DPRX: variants seen among roughly 807,000 people sequenced by gnomAD.
DPRX encodes the protein divergent-paired related homeobox.
DPRX carries 11 observed loss-of-function variants against 8.4 expected under a neutral mutation model. The ratio of observed to expected loss-of-function variants is 1.31; its 90% CI spans 0.82 to 2.17. The LOEUF is 2.17. Ranked by LOEUF, DPRX falls within the 30% of genes most tolerant of loss-of-function variation. The probability of loss-of-function intolerance (pLI) is 0.00; values close to 1 mark genes in which losing one functional copy is unlikely to be tolerated. For synonymous variants in DPRX, 72 were observed against 87.0 expected (o/e 0.83, Z 0.96); for missense variants, 211 against 236.7 (o/e 0.89, Z 0.71).
the DPRX span, among the ~76,000 whole-genome samples, chr19:53,621,292 C>T: frequency 6.6e-6 from 1 of 151,914 alleles, no homozygotes; most frequent in Non-Finnish European, 1.5e-5. Context: ...GCCACAGTGC[C>T]CGGCTAATTT....
At chr19:53,620,656 C>A in the DPRX span, among the ~76,000 whole-genome samples, 1 of 151,176 alleles carries the variant, frequency 6.6e-6, no homozygotes, top group Non-Finnish European at 1.5e-5. Context: ...TGAGCCACCC[C>A]GCCCGGGGCA....
chr19:53,635,492 T>C (rs1435176433), intron 2 of DPRX, among the ~76,000 whole-genome samples: 1 of 151,960 alleles, frequency 6.6e-6, no homozygotes, highest in African/African-American at 2.4e-5. Flanking sequence ...AGGTGTGTGG[T>C]ACTACAGCCT....
chr19:53,601,572 C>T, the DPRX span, among the ~76,000 whole-genome samples: 18 of 151,294 alleles, frequency 1.2e-4, no homozygotes, highest in African/African-American at 4.4e-4. Flanking sequence ...ACATCCGCCT[C>T]CTGGGTTCAA....
chr19:53,627,773 G>A (rs903106081), upstream of DPRX, among the ~76,000 whole-genome samples: 1 of 151,026 alleles, frequency 6.6e-6, no homozygotes, highest in African/African-American at 2.4e-5. Flanking sequence ...GTTTTTGTCT[G>A]GGTGTGGTGG....
upstream of DPRX, among the ~76,000 whole-genome samples, chr19:53,629,179 T>C (rs1476091070): frequency 5.0e-4 from 76 of 151,582 alleles, no homozygotes; most frequent in African/African-American, 1.7e-3. Flanking sequence ...CCAGGCGTGT[T>C]AGTGCACACC....
chr19:53,601,710 C>G, the DPRX span, among the ~76,000 whole-genome samples: 13 of 151,936 alleles, frequency 8.6e-5, no homozygotes, highest in East Asian at 2.5e-3. Flanking sequence ...CCGAACTCCT[C>G]GCCTCAAGTG....
chr19:53,623,007 TTAAAAAG>T, the DPRX span, among the ~76,000 whole-genome samples: 1 of 152,080 alleles, frequency 6.6e-6, no homozygotes, highest in Non-Finnish European at 1.5e-5. Context: ...GTTGAGCCCT[TTAAAAAG>T]CCATTCCTGG....
chr19:53,612,077 C>T, the DPRX span, among the ~76,000 whole-genome samples: 4 of 151,388 alleles, frequency 2.6e-5, no homozygotes, highest in African/African-American at 9.7e-5. Flanking sequence ...GAGCGAGACT[C>T]CACCTCAAAA....
At chr19:53,617,658 T>C in the DPRX span, among the ~76,000 whole-genome samples, 4 of 150,736 alleles carry the variant, frequency 2.7e-5, no homozygotes, top group Non-Finnish European at 4.4e-5. Flanking sequence ...TAATATGAGA[T>C]GTAGAAAAGA....
At chr19:53,607,242 C>A in the DPRX span, among the ~76,000 whole-genome samples, 47 of 152,276 alleles carry the variant, frequency 3.1e-4, 1 homozygote, top group South Asian at 6.2e-3. Context: ...GTTCTGCACC[C>A]CAGGCCCCAC....
chr19:53,632,090 C>T lies in DPRX; in HGVS notation c.-17C>T, dbSNP rs746541798. The T allele has an allele frequency of 5.6e-6, 9 of 1,613,858 alleles. No homozygotes were observed. In the South Asian group the frequency reaches 8.8e-5, roughly 16 times the overall value. The stretch of plus-strand genomic sequence containing the variant: ...TTATCCCTGGACCTGAACCCAGGCG[C>T]ACATCTGGATTAGAAGATGCCAGGC... On this transcript the variant is annotated 5_prime_UTR_variant, in exon 1 of 3. Coordinates refer to ENST00000376650, the Ensembl canonical transcript of DPRX.
At chr19:53,610,127 G>A in the DPRX span, among the ~76,000 whole-genome samples, 4 of 129,292 alleles carry the variant, frequency 3.1e-5, no homozygotes, top group South Asian at 7.2e-4. Context: ...CTCCAGCCTG[G>A]GTGACAAGAG....
At chr19:53,622,934 A>G in the DPRX span, among the ~76,000 whole-genome samples, 5 of 152,098 alleles carry the variant, frequency 3.3e-5, no homozygotes, top group African/African-American at 1.2e-4. Context: ...TTATATGCAG[A>G]TATTGCATCT....
At chr19:53,603,396 G>A in the DPRX span, 1 of 456,418 alleles carries the variant, frequency 2.2e-6, no homozygotes, top group Non-Finnish European at 4.4e-6. Context: ...CCATCTCGGG[G>A]TGGGGATGGT....
At chr19:53,619,697 C>T in the DPRX span, among the ~76,000 whole-genome samples, 1 of 130,754 alleles carries the variant, frequency 7.6e-6, no homozygotes, top group Non-Finnish European at 1.7e-5. Context: ...AAACAAAAAA[C>T]AGAAAAAATT....
chr19:53,616,509 C>A, the DPRX span, among the ~76,000 whole-genome samples: 3 of 151,948 alleles, frequency 2.0e-5, no homozygotes, highest in Non-Finnish European at 2.9e-5. Flanking sequence ...AATCCCAGCA[C>A]TTTGGGAGGC....
intron 2 of DPRX, among the ~76,000 whole-genome samples, chr19:53,634,985 C>T (rs1411814135): frequency 6.6e-6 from 1 of 152,174 alleles, no homozygotes; most frequent in Non-Finnish European, 1.5e-5. Flanking sequence ...AAACAAGAGG[C>T]CCATCTGTGT....
At chr19:53,623,306 C>CA in the DPRX span, among the ~76,000 whole-genome samples, 10 of 77,724 alleles carry the variant, frequency 1.3e-4, no homozygotes, top group African/African-American at 4.5e-4. Flanking sequence ...GACTCTGTCT[C>CA]AAAAAAATAA....
the DPRX span, among the ~76,000 whole-genome samples, chr19:53,626,631 C>G: frequency 1.3e-5 from 2 of 152,134 alleles, no homozygotes; most frequent in Non-Finnish European, 2.9e-5. Flanking sequence ...GAGTGGTGGC[C>G]AGACTCCTTC....
Sources: allele counts gnomAD v4.1 joint callset (sites outside exome capture counted in the v4.1 genomes callset), GRCh38; gene constraint gnomAD v4.1.1; transcripts MANE v1.5; gene names NCBI Gene and HGNC (gene_info 2026-07-23, HGNC 2026-07-21).